KANK1: variants seen among roughly 807,000 people sequenced by gnomAD.
KANK1 encodes KN motif and ankyrin repeat domains 1, also known as KN motif and ankyrin repeat domain-containing protein 1.
Under a neutral mutation model 106.2 loss-of-function variants are expected in KANK1, and 109 were observed. That is an observed-to-expected ratio of 1.03 (90% CI 0.88 to 1.20). KANK1 has a LOEUF of 1.20. Among genes scored for constraint, KANK1 ranks in the 50% most tolerant of loss-of-function variants. The pLI, the probability that KANK1 is intolerant of heterozygous loss-of-function variation, is 0.00. For synonymous variants in KANK1, 873 were observed against 652.2 expected (o/e 1.34, Z -5.16); for missense variants, 2,399 against 1,710.7 (o/e 1.40, Z -7.10).
intron 1 of KANK1, among the ~76,000 whole-genome samples, chr9:671,378 G>A (rs553083792): frequency 6.6e-6 from 1 of 152,050 alleles, no homozygotes; most frequent in East Asian, 1.9e-4. Context: ...GGGCGCGGTG[G>A]CTCACACCTG....
chr9:597,412 T>C lies in KANK1; in HGVS notation c.-83-79478T>C, dbSNP rs1826489710. Among the ~76,000 whole-genome samples the C allele has an allele frequency of 3.3e-5, 5 of 151,984 alleles. No homozygotes were observed. The South Asian group carries it at 1.0e-3, about 32-fold the overall frequency. ...AAAAAATTATAGTCGTCCTTGTGGG[T>C]ATAAAGTAGTATTTTATTATGGTTT... On this transcript the variant is annotated intron_variant, in intron 1 of 11. Transcript: ENST00000382297.
At chr9:525,902 C>T (rs564189498) in intron 1 of KANK1, among the ~76,000 whole-genome samples, 1 of 151,660 alleles carries the variant, frequency 6.6e-6, no homozygotes, top group Admixed American at 6.6e-5. Context: ...GCATTTGTCA[C>T]CCAGAGGATC....
chr9:649,276 A>C (rs1420947571), intron 1 of KANK1, among the ~76,000 whole-genome samples: 1 of 152,050 alleles, frequency 6.6e-6, no homozygotes, highest in Non-Finnish European at 1.5e-5. Flanking sequence ...TATATGTCCC[A>C]GTTTGCCTGT....
chr9:609,658 T>A (rs956121962), intron 1 of KANK1, among the ~76,000 whole-genome samples: 3 of 152,054 alleles, frequency 2.0e-5, no homozygotes, highest in African/African-American at 7.2e-5. Context: ...AATAAAATAA[T>A]GAATAGACTC....
chr9:585,500 A>G (rs1417751509), intron 1 of KANK1, among the ~76,000 whole-genome samples: 1 of 152,206 alleles, frequency 6.6e-6, no homozygotes, highest in Non-Finnish European at 1.5e-5. Context: ...TTAAGGCACA[A>G]AGGCCTATGA....
intron 2 of KANK1, chr9:693,352 G>A: frequency 1.0e-6 from 1 of 980,378 alleles, no homozygotes; most frequent in Non-Finnish European, 1.2e-6. Flanking sequence ...GCAGTGGAGG[G>A]TTAGGGAAAG....
At position 745,468 on chromosome 9, in the gene KANK1, G is replaced by T. The variant is rs1836949552; in HGVS notation, c.*233G>T. ...GGCACACTTTAACCCAGTCTCTGTT[G>T]CTGTTGAGTCTCTGCTCCGTTTTGT... On this transcript the variant is annotated 3_prime_UTR_variant, in exon 12 of 12. Coordinates refer to ENST00000382297, the MANE Select transcript of KANK1 (RefSeq NM_015158.5). The T allele has an allele frequency of 4.4e-6, 2 of 455,266 alleles. No homozygotes were observed. Among genetic ancestry groups the T allele is most frequent in the Non-Finnish European group, 7.9e-6 (2 of 253,588 alleles). The allele number at this position is 455,266 out of a possible 1,614,324, so 28.2% of individuals were successfully genotyped here.
intron 1 of KANK1, among the ~76,000 whole-genome samples, chr9:572,558 A>C (rs58702657): frequency 0.058 from 8,831 of 151,962 alleles, 840 homozygotes; most frequent in African/African-American, 0.2. Flanking sequence ...TCTCAAAAAA[A>C]AAAAATTTTT....
At position 564,737 on chromosome 9, in the gene KANK1, C is replaced by T. The variant is rs933927605; in HGVS notation, c.-84+59983C>T. ...TCCTAACACTCTTTCAGGAGATGCC[C>T]TTACTGTTAACTGCTTATTCTCTGT... On this transcript the variant is annotated intron_variant, in intron 1 of 11. Coordinates refer to ENST00000382297, the MANE Select transcript of KANK1 (RefSeq NM_015158.5). Among the ~76,000 whole-genome samples, 24 of 152,330 alleles carry T rather than the reference C, an allele frequency of 1.6e-4. No homozygotes were observed. The East Asian group carries it at 4.4e-3, about 28-fold the overall frequency.
At chr9:605,175 C>T (rs1329043136) in intron 1 of KANK1, among the ~76,000 whole-genome samples, 1 of 151,318 alleles carries the variant, frequency 6.6e-6, no homozygotes, top group African/African-American at 2.5e-5. Flanking sequence ...GTGGTACGCG[C>T]CTGTAATCCC....
chr9:586,359 A>T (rs192902932), intron 1 of KANK1, among the ~76,000 whole-genome samples: 11 of 152,320 alleles, frequency 7.2e-5, no homozygotes, highest in African/African-American at 2.6e-4. Flanking sequence ...GAGAGTGGAT[A>T]GGCTGTGATC....
At chr9:491,745 A>T (rs1199459690) in intron 3 of KANK1, among the ~76,000 whole-genome samples, 2 of 152,168 alleles carry the variant, frequency 1.3e-5, no homozygotes, top group African/African-American at 4.8e-5. Context: ...TCTCATCTTG[A>T]ATTATAACTC....
intron 3 of KANK1, among the ~76,000 whole-genome samples, chr9:493,002 C>T (rs1030468181): frequency 3.6e-5 from 5 of 139,566 alleles, no homozygotes; most frequent in African/African-American, 1.1e-4. Context: ...CCAGCCTGGG[C>T]GGTCAACAAG....
intron 1 of KANK1, among the ~76,000 whole-genome samples, chr9:588,441 C>T (rs996814375): frequency 6.6e-6 from 1 of 152,116 alleles, no homozygotes; most frequent in Non-Finnish European, 1.5e-5. Flanking sequence ...GAATGTAGCA[C>T]TCAGGTGTTG....
chr9:708,556 T>C (rs989030996), intron 2 of KANK1, among the ~76,000 whole-genome samples: 2 of 152,238 alleles, frequency 1.3e-5, no homozygotes, highest in African/African-American at 4.8e-5. Flanking sequence ...TACGTCCTTT[T>C]TATTCCTCTG....
rs1373594909 is a variant in KANK1 at position 740,872 on chromosome 9, A to G, written c.3634A>G (p.Lys1212Glu). ...GGCCCTCGCCGCTGTGGAAGCAGAG[A>G]AGGACATGCGGATTGTGGAAGAACT... ...LAALAAVEAEKDMRIVEELFG... is the reference protein window; with the variant it reads ...LAALAAVEAEEDMRIVEELFG... The change falls in exon 9 of 12, where the codon AAG (lysine) becomes GAG (glutamate). Residue 1212 changes from lysine (K) to glutamate (E), a missense_variant. By Grantham distance (56) the Lys-to-Glu change is moderately conservative (BLOSUM62 1). Coordinates refer to ENST00000382297, the MANE Select transcript of KANK1 (RefSeq NM_015158.5). The G allele has an allele frequency of 1.9e-6, 3 of 1,614,040 alleles. No individual in the cohort carries two copies. Among genetic ancestry groups the G allele is most frequent in the African/African-American group, 2.7e-5 (2 of 74,916 alleles).
intron 1 of KANK1, among the ~76,000 whole-genome samples, chr9:505,818 G>C (rs974265192): frequency 6.6e-6 from 1 of 152,210 alleles, no homozygotes; most frequent in Admixed American, 6.5e-5. Context: ...TAATCGTGCA[G>C]TTCCTTTCCT....
At chr9:515,205 C>T (rs1259935324) in intron 1 of KANK1, among the ~76,000 whole-genome samples, 5 of 151,384 alleles carry the variant, frequency 3.3e-5, no homozygotes, top group Admixed American at 1.3e-4. Flanking sequence ...ATTAGCCAGG[C>T]GTGGTGGCGG....
rs1369109194 is a variant in KANK1, at chr9:504,755, G to A, written c.-84+1G>A. 6.8e-6 allele frequency: 1 copy of A among 147,098 alleles called. No homozygotes were observed. Among genetic ancestry groups the A allele is most frequent in the Non-Finnish European group, 1.5e-5 (1 of 67,660 alleles). The allele number at this position is 147,098 out of a possible 1,614,324, so 9.1% of individuals were successfully genotyped here. ...GGCAGGTTGGGAGGAGCGGCCGAAGGTGAGTGACGCGGCGGGGCCGTGCCG... is the reference window on the plus strand; with the variant it reads ...GGCAGGTTGGGAGGAGCGGCCGAAGATGAGTGACGCGGCGGGGCCGTGCCG... On this transcript the variant is annotated splice_donor_variant, in intron 1 of 11. Coordinates refer to ENST00000382297, the MANE Select transcript of KANK1 (RefSeq NM_015158.5). LOFTEE classifies it low-confidence loss of function (5UTR_SPLICE).
Sources: allele counts gnomAD v4.1 joint callset (sites outside exome capture counted in the v4.1 genomes callset), GRCh38; gene constraint gnomAD v4.1.1; transcripts MANE v1.5; gene names NCBI Gene and HGNC (gene_info 2026-07-23, HGNC 2026-07-21).